The following ACOT7 variants were observed in gnomAD, a reference collection of about 807,000 sequenced individuals.
ACOT7 encodes cytosolic acyl coenzyme A thioester hydrolase.
Under a neutral mutation model 40.2 loss-of-function variants are expected in ACOT7, and 12 were observed. The ratio of observed to expected loss-of-function variants is 0.30; its 90% CI spans 0.19 to 0.48. The LOEUF (loss-of-function observed/expected upper bound fraction) is 0.48, where lower values mean the gene tolerates loss of function less well. Among genes scored for constraint, ACOT7 ranks in the 20% least tolerant of loss-of-function variants. The probability of loss-of-function intolerance (pLI) is 0.99; values close to 1 mark genes in which losing one functional copy is unlikely to be tolerated. For missense variants in ACOT7, 395 were observed against 530.8 expected, an observed-to-expected ratio of 0.74 and a Z score of 2.51; for synonymous variants, 228 against 219.5, an observed-to-expected ratio of 1.04 and a Z score of -0.34.
At position 6,342,871 on chromosome 1, in the gene ACOT7, C is replaced by CG. The variant is rs199973316; in HGVS notation, c.262-3283dup. 8.9e-3 allele frequency among the ~76,000 whole-genome samples: 1,357 copies of CG among 152,346 alleles called. 12 individuals are homozygous for CG. Among genetic ancestry groups the CG allele is most frequent in the Middle Eastern group, 0.041 (12 of 294 alleles). ...GACTGGCCTGGCCTTTGCCACCTCA[C>CG]GGCATCCTGACCAACACTCAGAATT... On this transcript the variant is annotated intron_variant, in intron 2 of 8. Coordinates refer to ENST00000361521, the MANE Select transcript of ACOT7 (RefSeq NM_007274.4).
chr1:6,299,066 G>C lies in ACOT7; in HGVS notation c.713-4086C>G, dbSNP rs548288329. Among the ~76,000 whole-genome samples the C allele has an allele frequency of 2.0e-4, 31 of 152,222 alleles. No homozygotes were observed. Among genetic ancestry groups the C allele is most frequent in the Non-Finnish European group, 4.0e-4 (27 of 68,036 alleles). ...CCCTCTGTCCCCGTCTAGAGTGTGA[G>C]AGTCACTGCCATAGCCTGGCTGGGA... On this transcript the variant is annotated intron_variant, in intron 6 of 8. Transcript: ENST00000361521. The surrounding 1 kb of genome is among the most constrained non-coding windows in gnomAD (Gnocchi z 4.1).
At chr1:6,377,027 C>G (rs368348982) in intron 1 of ACOT7, among the ~76,000 whole-genome samples, 20 of 152,308 alleles carry the variant, frequency 1.3e-4, no homozygotes, top group Admixed American at 7.9e-4. Flanking sequence ...TAAAACAACA[C>G]TGAGACACCA....
At position 6,319,940 on chromosome 1, in the gene ACOT7, G is replaced by A. The variant is rs145223410; in HGVS notation, c.626-1362C>T. Among the ~76,000 whole-genome samples the A allele has an allele frequency of 4.8e-3, 724 of 152,308 alleles. 5 individuals carry two copies. Among genetic ancestry groups the A allele is most frequent in the African/African-American group, 0.017 (695 of 41,570 alleles). On this transcript the variant is annotated intron_variant, in intron 5 of 8. Coordinates refer to ENST00000361521, the MANE Select transcript of ACOT7 (RefSeq NM_007274.4). ...CCTGGGTCTGAAACGCCTCCCACTT[G>A]ATGTCTCTGGCCCTCTGGCCAGGCC...
intron 1 of ACOT7, 59 bp from the exon 2 acceptor site, chr1:6,349,925 G>A: frequency 6.5e-7 from 1 of 1,536,614 alleles, no homozygotes; most frequent in Non-Finnish European, 9.0e-7. Context: ...GTGCAACAGT[G>A]ACAATCCAAG....
rs1642565044 is a variant in ACOT7, at chr1:6,393,280, C to T, written c.120G>A (p.Thr40=). The stretch of plus-strand genomic sequence containing the variant: ...ACCGGCAGATCTGGATGGCGGACGG[C>T]GTCTCGACGTCTGGGCCCGACATGC... ...APSMSGPDVE[T]PSAIQICRIM... The change falls in exon 1 of 9, where the codon ACG becomes ACA. Residue 40 remains threonine (T), a synonymous_variant. Coordinates refer to ENST00000361521, the MANE Select transcript of ACOT7 (RefSeq NM_007274.4). 7.8e-7 allele frequency: 1 copy of T among 1,283,286 alleles called. No homozygotes were observed. The highest frequency in any genetic ancestry group is 9.9e-7 in the Non-Finnish European group (1 of 1,014,636). 79.5% of individuals were successfully genotyped at this position (1,283,286 alleles called of 1,614,324 possible).
At chr1:6,360,824 GC>G in intron 1 of ACOT7, 1 of 1,370,022 alleles carries the variant, frequency 7.3e-7, no homozygotes, top group Non-Finnish European at 9.7e-7. Flanking sequence ...GGTGTGCTAG[GC>G]CCACCACCCA....
intron 6 of ACOT7, among the ~76,000 whole-genome samples, chr1:6,296,551 G>A (rs1286099314): frequency 6.6e-6 from 1 of 151,714 alleles, no homozygotes; most frequent in African/African-American, 2.4e-5. Context: ...AGCCTCCCGA[G>A]TAGCTGGAAC....
At chr1:6,344,539 G>A (rs1003220090) in intron 2 of ACOT7, among the ~76,000 whole-genome samples, 2 of 152,104 alleles carry the variant, frequency 1.3e-5, no homozygotes, top group Admixed American at 1.3e-4. Flanking sequence ...GCCGAGGCAG[G>A]TGGATCACAA....
rs148426692 is a variant in ACOT7 at position 6,267,776 on chromosome 1, G to A, written c.1015-3081C>T. Among the ~76,000 whole-genome samples the A allele has an allele frequency of 7.9e-3, 1,205 of 152,326 alleles. 8 individuals are homozygous for A. The highest frequency in any genetic ancestry group is 0.011 in the Non-Finnish European group (745 of 68,028). ...CCACCTTGGGACCCAACCATGCTGT[G>A]TGCCCTTCCTGGGATGGTCTCTTCA... On this transcript the variant is annotated intron_variant, in intron 8 of 8. Coordinates refer to ENST00000361521, the MANE Select transcript of ACOT7 (RefSeq NM_007274.4).
At chr1:6,264,883 T>A (rs1638773676) in intron 8 of ACOT7, among the ~76,000 whole-genome samples, 188 bp from the exon 9 acceptor site, 1 of 152,176 alleles carries the variant, frequency 6.6e-6, no homozygotes, top group South Asian at 2.1e-4. Context: ...GGGGCTCATG[T>A]CCCACCTCGC....
At chr1:6,369,910 G>C (rs1642096183) in intron 1 of ACOT7, among the ~76,000 whole-genome samples, 1 of 152,172 alleles carries the variant, frequency 6.6e-6, no homozygotes. Context: ...ATTACTCCTT[G>C]ATCCATAGGT....
rs953319072 is a variant in ACOT7 at position 6,278,065 on chromosome 1, C to T, written c.1014+3037G>A. Among the ~76,000 whole-genome samples the T allele has an allele frequency of 9.4e-5, 14 of 148,758 alleles. 1 individual carries two copies. Among genetic ancestry groups the T allele is most frequent in the African/African-American group, 3.2e-4 (13 of 40,414 alleles). On this transcript the variant is annotated intron_variant, in intron 8 of 8. Coordinates refer to ENST00000361521, the MANE Select transcript of ACOT7 (RefSeq NM_007274.4). This position sits in a 1 kb window ranked among gnomAD's most constrained non-coding sequence, Gnocchi z 4.1. Reference sequence around the variant, plus strand: ...CTGGATATGTGAGCCTGACAGTCCACGCAGCGTCTGCAGTGGCGGGGGGTG... The same window carrying T: ...CTGGATATGTGAGCCTGACAGTCCATGCAGCGTCTGCAGTGGCGGGGGGTG...
chr1:6,275,276 C>T lies in ACOT7; in HGVS notation c.1014+5826G>A, dbSNP rs533678177. Among the ~76,000 whole-genome samples, 18 of 152,334 alleles carry T rather than the reference C, an allele frequency of 1.2e-4. No homozygotes were observed. Among genetic ancestry groups the T allele is most frequent in the African/African-American group, 2.9e-4 (12 of 41,580 alleles). Reference sequence around the variant, plus strand: ...AAACAAACCTGCTGAGAATGGCCCCCGGCCTGGTAGGGCTCCCTCAACCTG... The same window carrying T: ...AAACAAACCTGCTGAGAATGGCCCCTGGCCTGGTAGGGCTCCCTCAACCTG... On this transcript the variant is annotated intron_variant, in intron 8 of 8. Coordinates refer to ENST00000361521, the MANE Select transcript of ACOT7 (RefSeq NM_007274.4). This position sits in a 1 kb window ranked among gnomAD's most constrained non-coding sequence, Gnocchi z 5.6.
chr1:6,385,672 G>C (rs754154470), intron 1 of ACOT7: 1 of 1,610,660 alleles, frequency 6.2e-7, no homozygotes, highest in Non-Finnish European at 8.5e-7. Flanking sequence ...TTCATCCTGC[G>C]GTAAGTGGGC....
intron 6 of ACOT7, among the ~76,000 whole-genome samples, chr1:6,305,029 C>G (rs1488873043): frequency 4.0e-5 from 6 of 149,168 alleles, no homozygotes; most frequent in African/African-American, 1.5e-4. Context: ...GGGCGCTGAC[C>G]CCCCCGCCTC....
At chr1:6,390,142 G>C (rs1289748800) in intron 1 of ACOT7, among the ~76,000 whole-genome samples, 4 of 151,988 alleles carry the variant, frequency 2.6e-5, no homozygotes, top group Non-Finnish European at 5.9e-5. Context: ...CTCTTCACAG[G>C]CCTACCCCTA....
intron 3 of ACOT7, 92 bp from the exon 4 acceptor site, chr1:6,333,660 G>T (rs370943905): frequency 3.2e-6 from 4 of 1,262,110 alleles, no homozygotes; most frequent in African/African-American, 1.5e-5. Context: ...TCCAGCGCCC[G>T]GTCCCAGTAC....
intron 1 of ACOT7, chr1:6,385,621 G>A (rs1321013417): frequency 1.2e-6 from 2 of 1,612,200 alleles, no homozygotes. Context: ...GAAGATGCCT[G>A]CCTCCCAAAC....
chr1:6,390,185 G>A (rs951787465), intron 1 of ACOT7, among the ~76,000 whole-genome samples: 1 of 152,172 alleles, frequency 6.6e-6, no homozygotes. Flanking sequence ...TGGCAGTCAC[G>A]CTCTGCACCT....
Sources: allele counts gnomAD v4.1 joint callset (sites outside exome capture counted in the v4.1 genomes callset), GRCh38; gene constraint gnomAD v4.1.1; non-coding constraint Gnocchi (gnomAD v3.1); transcripts MANE v1.5; gene names NCBI Gene and HGNC (gene_info 2026-07-23, HGNC 2026-07-21).